The following ERP44 variants were observed in gnomAD, a reference collection of about 807,000 sequenced individuals.
The protein encoded by ERP44 is endoplasmic reticulum protein 44.
ERP44 carries 25 observed loss-of-function variants against 53.4 expected under a neutral mutation model. The observed-to-expected ratio is 0.47, with a 90% CI of 0.34 to 0.65. The LOEUF is 0.65. Among genes scored for constraint, ERP44 ranks in the 30% least tolerant of loss-of-function variants. The probability of loss-of-function intolerance (pLI) is 0.01; values close to 1 mark genes in which losing one functional copy is unlikely to be tolerated. For missense variants in ERP44, 338 were observed against 493.2 expected (o/e 0.69, Z 2.98); for synonymous variants, 145 against 161.2 (o/e 0.90, Z 0.76).
intron 10 of ERP44, among the ~76,000 whole-genome samples, chr9:100,000,266 C>T (rs1000388099): frequency 7.9e-5 from 12 of 151,724 alleles, no homozygotes; most frequent in Admixed American, 5.3e-4. Flanking sequence ...AAGAATCCAT[C>T]TCTATAAAAA....
chr9:100,030,229 A>T (rs899604493), intron 4 of ERP44, among the ~76,000 whole-genome samples: 1 of 152,146 alleles, frequency 6.6e-6, no homozygotes, highest in Non-Finnish European at 1.5e-5. Context: ...TTCACATCAA[A>T]TTCTTTCTTG....
intron 1 of ERP44, among the ~76,000 whole-genome samples, chr9:100,096,140 TGAACTACAGAA>T (rs1289424620): frequency 2.0e-5 from 3 of 152,146 alleles, no homozygotes. Flanking sequence ...GCTACAAATC[TGAACTACAGAA>T]GAGGTTACCT....
intron 3 of ERP44, among the ~76,000 whole-genome samples, chr9:100,054,316 T>A (rs957667374): frequency 2.0e-5 from 3 of 152,178 alleles, no homozygotes; most frequent in Admixed American, 6.5e-5. Context: ...GAAAATAAGG[T>A]AGCTGGAGGG....
chr9:100,089,172 C>G (rs946228594), intron 1 of ERP44, among the ~76,000 whole-genome samples: 2 of 152,170 alleles, frequency 1.3e-5, no homozygotes, highest in African/African-American at 4.8e-5. Context: ...GCAGACATAA[C>G]CCGCCCCTTA....
At chr9:100,023,777 A>G (rs1830622000) in intron 4 of ERP44, among the ~76,000 whole-genome samples, 1 of 152,158 alleles carries the variant, frequency 6.6e-6, no homozygotes. Context: ...GTATAAACAA[A>G]AAGTTTTAAA....
At chr9:99,997,414 C>A (rs1228103116) in intron 10 of ERP44, among the ~76,000 whole-genome samples, 1 of 130,176 alleles carries the variant, frequency 7.7e-6, no homozygotes, top group Non-Finnish European at 1.6e-5. Context: ...ATTTTTTTAA[C>A]AAAATTTTTA....
intron 1 of ERP44, among the ~76,000 whole-genome samples, chr9:100,090,767 A>G (rs2118760598): frequency 6.6e-6 from 1 of 152,114 alleles, no homozygotes; most frequent in Non-Finnish European, 1.5e-5. Flanking sequence ...AAAAATATAC[A>G]ACAAAACAGC....
At chr9:100,055,117 C>T (rs1334787998) in intron 3 of ERP44, among the ~76,000 whole-genome samples, 1 of 151,910 alleles carries the variant, frequency 6.6e-6, no homozygotes, top group African/African-American at 2.4e-5. Flanking sequence ...AATTCCTCAA[C>T]CTAAAAGGAA....
chr9:100,082,700 G>C (rs1276938427), intron 1 of ERP44, among the ~76,000 whole-genome samples: 1 of 151,064 alleles, frequency 6.6e-6, no homozygotes, highest in Non-Finnish European at 1.5e-5. Context: ...CAGTATTTTA[G>C]ATCTGCATTT....
chr9:100,064,870 TAAAG>T (rs889671436), intron 1 of ERP44, among the ~76,000 whole-genome samples: 13 of 152,330 alleles, frequency 8.5e-5, no homozygotes, highest in East Asian at 7.7e-4. Context: ...AATGAGGTTA[TAAAG>T]AAAGATGTTT....
chr9:100,043,258 C>G (rs1394832399), intron 4 of ERP44, among the ~76,000 whole-genome samples: 1 of 20,266 alleles, frequency 4.9e-5, no homozygotes, highest in Non-Finnish European at 7.2e-5. Context: ...GACTCTGTCT[C>G]AAAAAAAAAA....
chr9:100,021,866 G>C (rs551141132), intron 5 of ERP44, among the ~76,000 whole-genome samples, 176 bp downstream of exon 5: 1 of 152,148 alleles, frequency 6.6e-6, no homozygotes, highest in Non-Finnish European at 1.5e-5. Flanking sequence ...CAGAAGTTCA[G>C]TATAACATAA....
chr9:100,031,015 C>G (rs937591616), intron 4 of ERP44, among the ~76,000 whole-genome samples: 1 of 152,176 alleles, frequency 6.6e-6, no homozygotes, highest in Non-Finnish European at 1.5e-5. Flanking sequence ...GCATACTAAG[C>G]AGAGTGGCTA....
chr9:100,040,671 G>A (rs1354787099), intron 4 of ERP44, among the ~76,000 whole-genome samples: 1 of 152,124 alleles, frequency 6.6e-6, no homozygotes, highest in Non-Finnish European at 1.5e-5. Flanking sequence ...GCAGTCAGAT[G>A]AGAGAAAGAT....
Position 99,980,328 on chromosome 9 carries a change from GAATA to G in ERP44, c.*2280_*2283del. The G allele has an allele frequency of 3.1e-6, 1 of 322,284 alleles. No individual in the cohort carries two copies. Among genetic ancestry groups the G allele is most frequent in the Non-Finnish European group, 5.6e-6 (1 of 178,574 alleles). The allele number at this position is 322,284 out of a possible 1,614,324, so 20.0% of individuals were successfully genotyped here. ...ACTACAGCACCAAAAAACTTGCACT[GAATA>G]AATGTCAGACTGAAATCTGCTTCCC... On this transcript the variant is annotated 3_prime_UTR_variant, in exon 12 of 12. Transcript: ENST00000262455.
At chr9:100,092,457 C>G (rs1480476422) in intron 1 of ERP44, among the ~76,000 whole-genome samples, 1 of 152,124 alleles carries the variant, frequency 6.6e-6, no homozygotes, top group Admixed American at 6.5e-5. Context: ...CATGTGCTTA[C>G]GTTATAGACA....
intron 3 of ERP44, among the ~76,000 whole-genome samples, chr9:100,053,576 C>T (rs964517673): frequency 9.2e-5 from 14 of 152,162 alleles, no homozygotes; most frequent in African/African-American, 3.4e-4. Flanking sequence ...AGGCTACAAA[C>T]CTGTACCACA....
At chr9:100,014,538 C>T (rs1021226620) in intron 8 of ERP44, among the ~76,000 whole-genome samples, 1 of 152,210 alleles carries the variant, frequency 6.6e-6, no homozygotes, top group Non-Finnish European at 1.5e-5. Flanking sequence ...ACCCACCCAC[C>T]TTGGCCTCCC....
At chr9:100,005,626 G>A (rs976256465) in intron 10 of ERP44, among the ~76,000 whole-genome samples, 17 of 152,144 alleles carry the variant, frequency 1.1e-4, no homozygotes, top group Admixed American at 5.2e-4. Context: ...GAACAGAGGA[G>A]GTAAGTGACT....
Sources: allele counts gnomAD v4.1 joint callset (sites outside exome capture counted in the v4.1 genomes callset), GRCh38; gene constraint gnomAD v4.1.1; transcripts MANE v1.5; gene names NCBI Gene and HGNC (gene_info 2026-07-23, HGNC 2026-07-21).